ANKRD36C: variants seen among roughly 807,000 people sequenced by gnomAD.
The protein encoded by ANKRD36C is ankyrin repeat domain-containing protein 36C.
A neutral mutation model predicts 276.4 loss-of-function variants in ANKRD36C; 61 were observed. The observed-to-expected ratio is 0.22, with a 90% CI of 0.18 to 0.27. ANKRD36C has a LOEUF of 0.27. Among genes scored for constraint, ANKRD36C ranks in the 10% least tolerant of loss-of-function variants. ANKRD36C has a pLI of 1.00. For missense variants in ANKRD36C, 1,447 were observed against 2,032.3 expected (o/e 0.71, Z 5.54); for synonymous variants, 483 against 680.1 (o/e 0.71, Z 4.51).
chr2:95,915,351 T>C (rs775559603), intron 38 of ANKRD36C, among the ~76,000 whole-genome samples: 1 of 151,544 alleles, frequency 6.6e-6, no homozygotes, highest in Non-Finnish European at 1.5e-5. Flanking sequence ...TGTGTTTTTA[T>C]GCCAATTCAA....
At chr2:95,857,817 T>C (rs1296243569) in intron 61 of ANKRD36C, among the ~76,000 whole-genome samples, 13 of 146,450 alleles carry the variant, frequency 8.9e-5, no homozygotes, top group African/African-American at 2.4e-4. Context: ...TTCCTTTCTA[T>C]GCAGATCCAG....
At chr2:95,870,812 A>C (rs1558621835) in intron 59 of ANKRD36C, among the ~76,000 whole-genome samples, 1 of 152,240 alleles carries the variant, frequency 6.6e-6, no homozygotes, top group Non-Finnish European at 1.5e-5. Context: ...AATACAGAGA[A>C]GTGCTTAAAG....
At chr2:95,908,739 T>G (rs1363923346) in intron 42 of ANKRD36C, 42 bp from the exon 47 acceptor site, 2 of 1,540,966 alleles carry the variant, frequency 1.3e-6, no homozygotes, top group Non-Finnish European at 1.8e-6. Context: ...TATGTAAAAA[T>G]GACAAAATTA....
chr2:95,945,486 T>C (rs1446209382), intron 17 of ANKRD36C, among the ~76,000 whole-genome samples: 2 of 152,400 alleles, frequency 1.3e-5, no homozygotes, highest in Non-Finnish European at 2.9e-5. Context: ...ATCTGTAATT[T>C]AGAGTATGAC....
chr2:95,969,991 C>G (rs1247540245), intron 6 of ANKRD36C, among the ~76,000 whole-genome samples: 3 of 152,064 alleles, frequency 2.0e-5, no homozygotes, highest in Non-Finnish European at 4.4e-5. Context: ...CACTAAGGGT[C>G]TTGAAATCTA....
At position 95,935,349 on chromosome 2, in the gene ANKRD36C, C is replaced by T; in HGVS notation, c.1735+105G>A. 4.3e-6 allele frequency: 5 copies of T among 1,152,302 alleles called. No homozygotes were observed. The South Asian group carries it at 8.1e-5, about 19-fold the overall frequency. The allele number at this position is 1,152,302 out of a possible 1,614,324, so 71.4% of individuals were successfully genotyped here. A position where few individuals can be genotyped will look rare whatever the true frequency, so the allele number is the denominator to read the frequency against. On this transcript the variant is annotated intron_variant, in intron 24 of 66. Coordinates refer to ENST00000456556, the Ensembl canonical transcript of ANKRD36C. ...AGCATCAGCATCATTTAGATCAAAT[C>T]CTTCTATCTTACTGGGGTAAAAGAA... is the stretch of plus-strand genomic sequence containing the variant.
rs1679147021 is a variant in ANKRD36C at position 95,991,689 on chromosome 2, T to C, written c.20A>G (p.Lys7Arg). 4 of 1,613,534 alleles carry C rather than the reference T, an allele frequency of 2.5e-6. No individual in the cohort carries two copies. The East Asian group carries it at 8.9e-5, about 36-fold the overall frequency. ...GCGGTCCCTGAGGGTGGGCCACCTC[T>C]TCGGCTCCTTGTCATCCATAATGGT... The change falls in exon 1 of 67, where the codon AAG (lysine) becomes AGG (arginine). Residue 7 changes from lysine to arginine, a missense_variant. This residue lies in a region of ANKRD36C where 59 missense variants were observed against 73.3 expected (regional missense o/e 0.80). Coordinates refer to ENST00000456556, the Ensembl canonical transcript of ANKRD36C.
intron 18 of ANKRD36C, 38 bp from the exon 19 acceptor site, chr2:95,944,732 T>C (rs1342170570): frequency 6.5e-6 from 10 of 1,531,912 alleles, no homozygotes; most frequent in Non-Finnish European, 8.8e-6. Context: ...ATGAAATGCA[T>C]GTAATTAAGA....
At chr2:95,991,160 A>C (rs1369124027) in intron 1 of ANKRD36C, among the ~76,000 whole-genome samples, 10 of 86,774 alleles carry the variant, frequency 1.2e-4, no homozygotes, top group African/African-American at 2.3e-4. Flanking sequence ...TCACCCCCAC[A>C]CCTCACCCCC....
At chr2:95,952,673 CT>C (rs1678226555) in intron 14 of ANKRD36C, among the ~76,000 whole-genome samples, 5 of 152,270 alleles carry the variant, frequency 3.3e-5, no homozygotes, top group African/African-American at 9.6e-5. Flanking sequence ...CTCAACATAA[CT>C]CACCTCAACT....
At chr2:95,861,670 A>G (rs1363934707) in intron 60 of ANKRD36C, among the ~76,000 whole-genome samples, 1 of 152,126 alleles carries the variant, frequency 6.6e-6, no homozygotes, top group Non-Finnish European at 1.5e-5. Flanking sequence ...AAAGGAAAGC[A>G]GGAAAAGAAG....
At chr2:95,936,587 C>A (rs62153755) in intron 22 of ANKRD36C, among the ~76,000 whole-genome samples, 5 of 150,998 alleles carry the variant, frequency 3.3e-5, no homozygotes, top group Non-Finnish European at 3.0e-5. Context: ...TGTTCGAGTG[C>A]GAATATACCA....
At chr2:95,914,026 A>G in intron 40 of ANKRD36C, 82 bp downstream of exon 42, 2 of 1,356,864 alleles carry the variant, frequency 1.5e-6, no homozygotes, top group Non-Finnish European at 2.0e-6. Flanking sequence ...AGCTTCAACG[A>G]GCCCCCCGCT....
chr2:95,924,743 G>A (rs1335372839), intron 30 of ANKRD36C, among the ~76,000 whole-genome samples: 3 of 151,660 alleles, frequency 2.0e-5, no homozygotes, highest in Admixed American at 6.6e-5. Flanking sequence ...TCCTGATTCC[G>A]GTAGTCATCG....
intron 44 of ANKRD36C, among the ~76,000 whole-genome samples, chr2:95,892,777 T>C (rs1165612477): frequency 6.6e-6 from 1 of 151,224 alleles, no homozygotes; most frequent in Non-Finnish European, 1.5e-5. Context: ...ATCCAAGAGG[T>C]AGCTCCTTGA....
intron 6 of ANKRD36C, among the ~76,000 whole-genome samples, chr2:95,969,946 C>T (rs979605576): frequency 6.6e-6 from 1 of 151,906 alleles, no homozygotes; most frequent in African/African-American, 2.4e-5. Flanking sequence ...TTATTGTACA[C>T]ATAGAGTTCA....
chr2:95,903,301 T>C (rs920986382), intron 42 of ANKRD36C, among the ~76,000 whole-genome samples: 1 of 150,540 alleles, frequency 6.6e-6, no homozygotes, highest in Non-Finnish European at 1.5e-5. Flanking sequence ...AAACATGGTA[T>C]GATTTGTCAT....
At chr2:95,943,752 C>G (rs1677960472) in intron 19 of ANKRD36C, among the ~76,000 whole-genome samples, 1 of 151,750 alleles carries the variant, frequency 6.6e-6, no homozygotes, top group African/African-American at 2.4e-5. Flanking sequence ...TTTGCATTAT[C>G]TATGAACACA....
At chr2:95,859,119 TGC>T (rs1675499549) in intron 61 of ANKRD36C, among the ~76,000 whole-genome samples, 1 of 151,948 alleles carries the variant, frequency 6.6e-6, no homozygotes, top group Non-Finnish European at 1.5e-5. Flanking sequence ...CTGCAACCTC[TGC>T]CTCCCAGGTT....
Sources: allele counts gnomAD v4.1 joint callset (sites outside exome capture counted in the v4.1 genomes callset), GRCh38; gene constraint gnomAD v4.1.1; regional missense constraint gnomAD v4.1.1; transcripts MANE v1.5; gene names NCBI Gene and HGNC (gene_info 2026-07-23, HGNC 2026-07-21).